TXNDC11: variants seen among roughly 807,000 people sequenced by gnomAD.
TXNDC11 encodes thioredoxin domain containing 11.
In TXNDC11, 68 loss-of-function variants were observed where a neutral mutation model predicts 78.0. The observed-to-expected ratio is 0.87, with a 90% confidence interval of 0.72 to 1.07. TXNDC11 has a LOEUF of 1.07. Ranked by LOEUF, TXNDC11 falls within the 50% of genes least tolerant of loss-of-function variation. The pLI, the probability that TXNDC11 is intolerant of heterozygous loss-of-function variation, is 0.00. For synonymous variants in TXNDC11, 571 were observed against 495.2 expected, an observed-to-expected ratio of 1.15 and a Z score of -2.03; for missense variants, 1,389 against 1,221.8, an observed-to-expected ratio of 1.14 and a Z score of -2.04.
At chr16:11,687,358 T>C (rs934709942) in intron 10 of TXNDC11, among the ~76,000 whole-genome samples, 20 of 120,168 alleles carry the variant, frequency 1.7e-4, no homozygotes, top group Non-Finnish European at 3.4e-4. Context: ...TATTTGAGCC[T>C]TCTTTTCCCA....
Position 11,679,427 on chromosome 16 carries a change from TCGGCCAGCTCCTGCAGCTTGC to T in TXNDC11, c.2624_2644del (p.Arg875_Asp882delinsHis). 1 of 1,613,590 alleles carries T rather than the reference TCGGCCAGCTCCTGCAGCTTGC, an allele frequency of 6.2e-7. No individual in the cohort carries two copies. The highest frequency in any genetic ancestry group is 8.5e-7 in the Non-Finnish European group (1 of 1,179,920). ...CTCGGTAAGGAGGTTTTCTGAGGCA[TCGGCCAGCTCCTGCAGCTTGC>T]GGGCCAGCTCCTGCAGCTCACGTGT... On this transcript the variant is annotated inframe_deletion, in exon 12 of 12. Transcript: ENST00000283033. This position sits in a 1 kb window ranked among gnomAD's most constrained non-coding sequence, Gnocchi z 4.6.
intron 5 of TXNDC11, among the ~76,000 whole-genome samples, chr16:11,709,585 C>G (rs1033525994): frequency 6.6e-6 from 1 of 151,430 alleles, no homozygotes. Flanking sequence ...CAGGCGCCCG[C>G]TACCATGCCC....
At chr16:11,726,663 T>C (rs936018938) in intron 4 of TXNDC11, among the ~76,000 whole-genome samples, 3 of 151,414 alleles carry the variant, frequency 2.0e-5, no homozygotes, top group Non-Finnish European at 2.9e-5. Flanking sequence ...GATTCAACTA[T>C]AGGACTTCTA....
At chr16:11,717,070 A>T (rs1296781369) in intron 5 of TXNDC11, among the ~76,000 whole-genome samples, 2 of 152,010 alleles carry the variant, frequency 1.3e-5, no homozygotes, top group Non-Finnish European at 2.9e-5. Flanking sequence ...AAATTTAAAA[A>T]AGAAGAAAAT....
At chr16:11,729,389 A>G (rs188766754) in intron 4 of TXNDC11, among the ~76,000 whole-genome samples, 1 of 152,368 alleles carries the variant, frequency 6.6e-6, no homozygotes, top group Admixed American at 6.5e-5. Context: ...ACTCTGATGC[A>G]TAGCTAAGAA....
At chr16:11,699,209 A>G (rs1216794496) in intron 6 of TXNDC11, among the ~76,000 whole-genome samples, 1 of 151,268 alleles carries the variant, frequency 6.6e-6, no homozygotes, top group Non-Finnish European at 1.5e-5. Flanking sequence ...CTACTGCTAC[A>G]CAAACCAACC....
In TXNDC11 at chr16:11,742,569, G is replaced by A. The variant is rs1368360745; in HGVS notation, c.162C>T (p.Gly54=). ...GCCGCTGGCGCGCCATGAGGAAGGC[G>A]CCACGCAGCCCGCGACGGAGCCGGC... ...SAGRLRRGLR[G]AFLMARQRPE... The change falls in exon 1 of 12, where the codon GGC becomes GGT. Residue 54 remains glycine (G), a synonymous_variant. Coordinates refer to ENST00000283033, the MANE Select transcript of TXNDC11 (RefSeq NM_015914.7). 13 of 1,456,952 alleles carry A rather than the reference G, an allele frequency of 8.9e-6. No individual in the cohort carries two copies. The Admixed American group carries it at 1.0e-4, about 11-fold the overall frequency. 90.3% of individuals were successfully genotyped at this position (1,456,952 alleles called of 1,614,324 possible). A position where few individuals can be genotyped will look rare whatever the true frequency, so the allele number is the denominator to read the frequency against.
rs759472531 is a variant in TXNDC11 at position 11,679,718 on chromosome 16, G to A, written c.2354C>T (p.Thr785Ile). Residue 785 changes from threonine to isoleucine, a missense_variant, in exon 12 of 12, where the codon ACC (threonine) becomes ATC (isoleucine). By Grantham distance (89) the Thr-to-Ile change is moderately conservative (BLOSUM62 -1). Transcript: ENST00000283033. The surrounding 1 kb of genome is among the most constrained non-coding windows in gnomAD (Gnocchi z 4.6). ...SSPQNVANSPTKECLQSEAVL... is the reference protein window; with the variant it reads ...SSPQNVANSPIKECLQSEAVL... ...TGCCTCGCTCTGAAGACACTCCTTG[G>A]TAGGAGAGTTAGCCACATTCTGGGG... is the stretch of plus-strand genomic sequence containing the variant. 2.7e-5 allele frequency: 44 copies of A among 1,614,084 alleles called. No homozygotes were observed. The highest frequency in any genetic ancestry group is 3.7e-5 in the Non-Finnish European group (44 of 1,180,042).
At chr16:11,713,214 G>A (rs2051419503) in intron 5 of TXNDC11, among the ~76,000 whole-genome samples, 4 of 151,410 alleles carry the variant, frequency 2.6e-5, no homozygotes, top group Non-Finnish European at 5.9e-5. Flanking sequence ...CTGAGCCTGG[G>A]GAGGTTGAGG....
chr16:11,710,391 T>G (rs1040048934), intron 5 of TXNDC11, among the ~76,000 whole-genome samples: 1 of 152,016 alleles, frequency 6.6e-6, no homozygotes, highest in East Asian at 1.9e-4. Flanking sequence ...CATCCTTAGC[T>G]CCCAGGCCTA....
intron 5 of TXNDC11, among the ~76,000 whole-genome samples, chr16:11,705,518 T>G (rs2141044818): frequency 6.6e-6 from 1 of 152,216 alleles, no homozygotes; most frequent in African/African-American, 2.4e-5. Context: ...AAGCAGCCAG[T>G]AAGGAAATTC....
intron 6 of TXNDC11, among the ~76,000 whole-genome samples, chr16:11,698,658 C>G (rs11641208): frequency 0.061 from 9,335 of 152,312 alleles, 436 homozygotes; most frequent in East Asian, 0.19. Flanking sequence ...AGGTATTAAA[C>G]GTCACTGGGT....
chr16:11,736,236 A>C lies in TXNDC11; in HGVS notation c.255-3T>G. On this transcript the variant is annotated splice_region_variant and splice_polypyrimidine_tract_variant and intron_variant, in intron 1 of 11. Transcript: ENST00000283033. ...GTATTATCACATCTTTTGCTCGACT[A>C]AAAAAGAGCAAACACAGAAAAGATT... 1 of 1,592,998 alleles carries C rather than the reference A, an allele frequency of 6.3e-7. No homozygotes were observed. Among genetic ancestry groups the C allele is most frequent in the Non-Finnish European group, 8.6e-7 (1 of 1,167,216 alleles).
At chr16:11,735,262 G>A (rs886817404) in intron 2 of TXNDC11, among the ~76,000 whole-genome samples, 17 of 152,106 alleles carry the variant, frequency 1.1e-4, no homozygotes, top group African/African-American at 3.9e-4. Context: ...ATCAGTCTAC[G>A]TTTGTAACTA....
At chr16:11,683,961 G>C (rs1407092296) in intron 11 of TXNDC11, among the ~76,000 whole-genome samples, 1 of 152,082 alleles carries the variant, frequency 6.6e-6, no homozygotes, top group African/African-American at 2.4e-5. Flanking sequence ...ATGTCGGCCA[G>C]GCTGGTCTCA....
In TXNDC11 at chr16:11,717,638, G is replaced by GTTTGACAA. The variant is rs1567332718; in HGVS notation, c.793+3938_793+3939insTTGTCAAA. Among the ~76,000 whole-genome samples the GTTTGACAA allele has an allele frequency of 4.3e-4, 66 of 151,856 alleles. 2 individuals carry two copies. Among genetic ancestry groups the GTTTGACAA allele is most frequent in the African/African-American group, 1.3e-3 (55 of 41,380 alleles). On this transcript the variant is annotated intron_variant, in intron 5 of 11. Transcript: ENST00000283033. ...AGTTCAAGAACAGCCTGGCCAACAT[G>GTTTGACAA]GTGAAACCCCGTCTCTACTAAAAAT... is the stretch of plus-strand genomic sequence containing the variant.
intron 5 of TXNDC11, among the ~76,000 whole-genome samples, chr16:11,714,220 G>A (rs1227757636): frequency 6.6e-6 from 1 of 151,964 alleles, no homozygotes; most frequent in Non-Finnish European, 1.5e-5. Flanking sequence ...ACGGGGTTTC[G>A]CCACATTGCG....
chr16:11,697,756 A>G (rs912959516), intron 7 of TXNDC11, among the ~76,000 whole-genome samples: 2 of 152,162 alleles, frequency 1.3e-5, no homozygotes, highest in Non-Finnish European at 2.9e-5. Context: ...AGGCCACACT[A>G]AACTCGGCCT....
chr16:11,681,216 G>A (rs893225238), intron 11 of TXNDC11, among the ~76,000 whole-genome samples: 11 of 152,094 alleles, frequency 7.2e-5, no homozygotes, highest in Admixed American at 2.6e-4. Flanking sequence ...AAAACACATC[G>A]TGGCCCTGTC....
Sources: gnomAD v4.1 joint callset for allele counts (sites outside exome capture counted in the v4.1 genomes callset) on GRCh38, gnomAD v4.1.1 for gene constraint, Gnocchi (gnomAD v3.1) non-coding constraint, MANE v1.5 for transcripts, NCBI Gene and HGNC (gene_info 2026-07-23, HGNC 2026-07-21) for gene names.